The following STK3 variants were observed in gnomAD, a reference collection of about 807,000 sequenced individuals.
STK3 encodes serine/threonine-protein kinase 3.
Under a neutral mutation model 58.0 loss-of-function variants are expected in STK3, and 41 were observed. The ratio of observed to expected loss-of-function variants is 0.71; its 90% CI spans 0.55 to 0.92. The LOEUF (loss-of-function observed/expected upper bound fraction) is 0.92, where lower values mean the gene tolerates loss of function less well. STK3 is among the 40% of genes least tolerant of loss of function. The probability of loss-of-function intolerance (pLI) is 0.00; values close to 1 mark genes in which losing one functional copy is unlikely to be tolerated. For synonymous variants in STK3, 170 were observed against 191.0 expected, an observed-to-expected ratio of 0.89 and a Z score of 0.91; for missense variants, 479 against 602.7, an observed-to-expected ratio of 0.79 and a Z score of 2.15.
the STK3 span, among the ~76,000 whole-genome samples, chr8:98,357,429 T>C: frequency 1.3e-5 from 2 of 152,326 alleles, no homozygotes; most frequent in South Asian, 2.1e-4. Flanking sequence ...AGTCTCATTT[T>C]CACAGAATGG....
the STK3 span, among the ~76,000 whole-genome samples, chr8:98,362,070 A>T: frequency 6.6e-6 from 1 of 152,102 alleles, no homozygotes; most frequent in Non-Finnish European, 1.5e-5. Flanking sequence ...TCTGGGGAGG[A>T]TTGTGCAAAA....
At chr8:98,860,219 ACAT>A (rs1836875852) in intron 3 of STK3, among the ~76,000 whole-genome samples, 3 of 152,242 alleles carry the variant, frequency 2.0e-5, no homozygotes, top group African/African-American at 4.8e-5. Flanking sequence ...AGATGTGATA[ACAT>A]GAAATAGATA....
rs1344476396 is a variant in STK3, at chr8:98,696,303, CAG to C, written c.684+10162_684+10163del. Among the ~76,000 whole-genome samples, 7 of 152,160 alleles carry C rather than the reference CAG, an allele frequency of 4.6e-5. No homozygotes were observed. The East Asian group carries it at 1.2e-3, about 25-fold the overall frequency. On this transcript the variant is annotated intron_variant, in intron 6 of 10. Coordinates refer to ENST00000419617, the MANE Select transcript of STK3 (RefSeq NM_006281.4). ...GATATACAATCATGTCATCTGCAAACAGGGACAATTTGACTTCCTCTTTTCCT... is the reference window on the plus strand; with the variant it reads ...GATATACAATCATGTCATCTGCAAACGGACAATTTGACTTCCTCTTTTCCT...
chr8:98,761,907 G>A (rs1830642036), intron 3 of STK3, among the ~76,000 whole-genome samples: 1 of 152,116 alleles, frequency 6.6e-6, no homozygotes, highest in Admixed American at 6.6e-5. Flanking sequence ...AATAGAACAG[G>A]TAAGAATGTA....
chr8:98,827,281 C>T (rs1835349484), upstream of STK3, among the ~76,000 whole-genome samples: 1 of 152,196 alleles, frequency 6.6e-6, no homozygotes, highest in Non-Finnish European at 1.5e-5. Flanking sequence ...TTGCAGTGAT[C>T]CGAGATCGCG....
At chr8:98,493,505 T>C (rs1822878534) in intron 10 of STK3, among the ~76,000 whole-genome samples, 1 of 152,192 alleles carries the variant, frequency 6.6e-6, no homozygotes, top group Non-Finnish European at 1.5e-5. Flanking sequence ...TTAGCTCTCC[T>C]ATGATTCGAT....
chr8:98,881,274 A>G (rs550038362), downstream of STK3: 1 of 152,324 alleles, frequency 6.6e-6, no homozygotes, highest in Admixed American at 6.5e-5. Flanking sequence ...AGCCAACCCC[A>G]AAAGGCTACA....
intron 4 of STK3, among the ~76,000 whole-genome samples, chr8:98,722,350 A>G (rs1827493548): frequency 6.6e-6 from 1 of 152,194 alleles, no homozygotes; most frequent in Non-Finnish European, 1.5e-5. Flanking sequence ...TTAAATATCA[A>G]TGGTGCCAAA....
At chr8:98,589,024 T>G (rs1232008198) in intron 7 of STK3, among the ~76,000 whole-genome samples, 1 of 150,900 alleles carries the variant, frequency 6.6e-6, no homozygotes, top group Non-Finnish European at 1.5e-5. Flanking sequence ...AGTTTTCAAC[T>G]TCTTTGCCTT....
At chr8:98,434,679 G>A (rs377261699) in intron 2 of STK3, among the ~76,000 whole-genome samples, 32 of 152,330 alleles carry the variant, frequency 2.1e-4, no homozygotes, top group African/African-American at 4.8e-4. Flanking sequence ...TCAGAGACCC[G>A]TGGAGGGGAA....
intron 1 of STK3, among the ~76,000 whole-genome samples, chr8:98,784,652 AC>A (rs1010822325): frequency 6.6e-5 from 10 of 151,936 alleles, no homozygotes; most frequent in African/African-American, 2.4e-4. Context: ...TATTCAGAGC[AC>A]CCCCTCACCT....
intron 1 of STK3, chr8:98,439,116 G>A (rs1766208057): frequency 6.6e-6 from 1 of 152,076 alleles, no homozygotes; most frequent in African/African-American, 2.4e-5. Flanking sequence ...AGCTGTTATT[G>A]TAATTTGTCA....
intron 3 of STK3, among the ~76,000 whole-genome samples, chr8:98,841,666 A>G (rs2131810221): frequency 6.7e-6 from 1 of 148,236 alleles, no homozygotes; most frequent in South Asian, 2.2e-4. Context: ...TGGGCAAAAA[A>G]GAGAGACCTG....
At chr8:98,540,447 C>T (rs1458345222) in intron 9 of STK3, among the ~76,000 whole-genome samples, 1 of 152,140 alleles carries the variant, frequency 6.6e-6, no homozygotes, top group Non-Finnish European at 1.5e-5. Context: ...CTGCTCCAGC[C>T]TGTGGTGATC....
At chr8:98,696,559 A>C (rs1330937295) in intron 6 of STK3, among the ~76,000 whole-genome samples, 7 of 152,314 alleles carry the variant, frequency 4.6e-5, no homozygotes, top group Non-Finnish European at 7.3e-5. Flanking sequence ...GAGAGTTTTT[A>C]GCATGAAGCA....
intron 7 of STK3, chr8:98,594,717 G>T (rs2129958495): frequency 6.6e-6 from 1 of 152,108 alleles, no homozygotes; most frequent in East Asian, 1.9e-4. Flanking sequence ...ATCAATTTTT[G>T]TGGAAAAATA....
At chr8:98,463,422 C>T (rs542687199) in intron 10 of STK3, among the ~76,000 whole-genome samples, 3 of 151,730 alleles carry the variant, frequency 2.0e-5, no homozygotes, top group Non-Finnish European at 2.9e-5. Context: ...ATTAATAACT[C>T]AGTTACTAGC....
chr8:98,941,194 T>C (rs1218751860), intron 1 of STK3, among the ~76,000 whole-genome samples: 7 of 152,238 alleles, frequency 4.6e-5, no homozygotes, highest in Non-Finnish European at 8.8e-5. Flanking sequence ...TCAGCCCTGC[T>C]GAGAGCACGG....
At chr8:98,782,773 G>A (rs1563995870) in intron 1 of STK3, 2 of 151,212 alleles carry the variant, frequency 1.3e-5, no homozygotes, top group African/African-American at 4.9e-5. Context: ...AGATTAGACA[G>A]TGCAGCACAA....
Sources: allele counts gnomAD v4.1 joint callset (sites outside exome capture counted in the v4.1 genomes callset), GRCh38; gene constraint gnomAD v4.1.1; transcripts MANE v1.5; gene names NCBI Gene and HGNC (gene_info 2026-07-23, HGNC 2026-07-21).